CNKSR2: variants seen among roughly 807,000 people sequenced by gnomAD.
CNKSR2 encodes connector enhancer of kinase suppressor of Ras 2, also known as CNK homolog protein 2.
CNKSR2 carries 14 observed loss-of-function variants against 84.4 expected under a neutral mutation model. The ratio of observed to expected loss-of-function variants is 0.17; its 90% CI spans 0.11 to 0.26. The LOEUF (loss-of-function observed/expected upper bound fraction) is 0.26, where lower values mean the gene tolerates loss of function less well. Among genes scored for constraint, CNKSR2 ranks in the 10% least tolerant of loss-of-function variants. CNKSR2 has a pLI of 1.00. For synonymous variants in CNKSR2, 275 were observed against 277.9 expected, an observed-to-expected ratio of 0.99 and a Z score of 0.10; for missense variants, 485 against 771.2, an observed-to-expected ratio of 0.63 and a Z score of 4.40.
intron 17 of CNKSR2, among the ~76,000 whole-genome samples, chrX:21,596,685 A>C (rs558255864): frequency 1.8e-5 from 2 of 109,993 alleles, no homozygotes; most frequent in Middle Eastern, 9.6e-3. Context: ...CAAAGCAAGG[A>C]TATGAATACA....
intron 5 of CNKSR2, among the ~76,000 whole-genome samples, chrX:21,489,355 T>A (rs1312644991): frequency 9.0e-6 from 1 of 111,678 alleles, no homozygotes; most frequent in African/African-American, 3.3e-5. Flanking sequence ...CACAGTAGAC[T>A]AATAACAGTG....
intron 19 of CNKSR2, among the ~76,000 whole-genome samples, chrX:21,607,489 T>C (rs1337500153): frequency 9.0e-6 from 1 of 111,619 alleles, no homozygotes; most frequent in African/African-American, 3.3e-5. Context: ...GTCTCAGTAA[T>C]GTTCCAGTTT....
At chrX:21,440,489 G>A (rs1390030473) in intron 3 of CNKSR2, among the ~76,000 whole-genome samples, 1 of 111,643 alleles carries the variant, frequency 9.0e-6, no homozygotes, top group Non-Finnish European at 1.9e-5. Flanking sequence ...TTGGTAGAAA[G>A]CAAACATTAT....
At chrX:21,452,063 A>C in intron 4 of CNKSR2, among the ~76,000 whole-genome samples, 1 of 111,265 alleles carries the variant, frequency 9.0e-6, no homozygotes, top group East Asian at 2.8e-4. Flanking sequence ...TACAGTCTCA[A>C]TCTAATGAAT....
chrX:21,414,120 T>A (rs969961458), intron 1 of CNKSR2, among the ~76,000 whole-genome samples: 1 of 111,154 alleles, frequency 9.0e-6, no homozygotes, highest in African/African-American at 3.3e-5. Context: ...GGCAGCTCTG[T>A]TTTTAGTTTT....
In CNKSR2 at chrX:21,516,993, A is replaced by T. The variant is rs150689063; in HGVS notation, c.957+362A>T. ...CCCACATACTCTTTTAGAAGAAGCTAAATGATAGTTTATAGAATTCTTTTA... is the reference window on the plus strand; with the variant it reads ...CCCACATACTCTTTTAGAAGAAGCTTAATGATAGTTTATAGAATTCTTTTA... On this transcript the variant is annotated intron_variant, in intron 9 of 21. Transcript: ENST00000379510. Among the ~76,000 whole-genome samples the T allele has an allele frequency of 2.9e-4, 33 of 111,979 alleles. 1 individual carries two copies. In the South Asian group the frequency reaches 0.012, roughly 40 times the overall value.
intron 20 of CNKSR2, chrX:21,644,152 G>GC (rs1033000269): frequency 9.0e-6 from 1 of 111,678 alleles, no homozygotes; most frequent in Non-Finnish European, 1.9e-5. Context: ...AAAGCACTCT[G>GC]CAGCTGTACA....
At chrX:21,529,802 A>G (rs2091869320) in intron 10 of CNKSR2, among the ~76,000 whole-genome samples, 1 of 111,050 alleles carries the variant, frequency 9.0e-6, no homozygotes, top group African/African-American at 3.3e-5. Context: ...ACTGCATTCT[A>G]TATAGATTTG....
intron 6 of CNKSR2, chrX:21,493,835 AAG>A (rs2091466105): frequency 9.0e-6 from 1 of 111,715 alleles, no homozygotes; most frequent in African/African-American, 3.3e-5. Context: ...AAAAAAGACA[AAG>A]AAGTCAGTTT....
At chrX:21,636,812 T>C (rs770928273) in intron 20 of CNKSR2, among the ~76,000 whole-genome samples, 33 of 110,816 alleles carry the variant, frequency 3.0e-4, no homozygotes, top group Admixed American at 4.9e-4. Flanking sequence ...TATATATATA[T>C]ACACCCATAG....
chrX:21,523,670 T>G (rs2091806632), intron 9 of CNKSR2, among the ~76,000 whole-genome samples: 4 of 110,577 alleles, frequency 3.6e-5, no homozygotes, highest in Non-Finnish European at 7.6e-5. Context: ...AATTCTGTGT[T>G]TCAAGTTGAG....
intron 11 of CNKSR2, among the ~76,000 whole-genome samples, chrX:21,534,426 A>G (rs1439274221): frequency 9.1e-6 from 1 of 110,130 alleles, no homozygotes; most frequent in Non-Finnish European, 1.9e-5. Flanking sequence ...TGACATACTG[A>G]TTTCCTTTCC....
chrX:21,376,433 A>G (rs1601708313), intron 1 of CNKSR2, among the ~76,000 whole-genome samples: 1 of 111,999 alleles, frequency 8.9e-6, no homozygotes, highest in Non-Finnish European at 1.9e-5. Flanking sequence ...AACCTAATAC[A>G]TTATTTATCG....
intron 5 of CNKSR2, among the ~76,000 whole-genome samples, chrX:21,478,765 G>A (rs2091285119): frequency 9.0e-6 from 1 of 111,558 alleles, no homozygotes; most frequent in African/African-American, 3.3e-5. Flanking sequence ...AGGGCTTGGA[G>A]TATCTGTGAC....
intron 4 of CNKSR2, among the ~76,000 whole-genome samples, chrX:21,444,474 A>G (rs1489280433): frequency 1.8e-5 from 2 of 111,299 alleles, no homozygotes; most frequent in African/African-American, 6.5e-5. Context: ...TGGACAAATT[A>G]CTTCATATCT....
rs1333926948 is a variant in CNKSR2, at chrX:21,493,198, A to G, written c.681+2620A>G. On this transcript the variant is annotated intron_variant, in intron 6 of 21. Transcript: ENST00000379510. ...AAACAACCTTAGTTATGATTGAACC[A>G]TATGAAACTTTCTTCTAAAGTGCTT... is the stretch of plus-strand genomic sequence containing the variant. The G allele has an allele frequency of 2.7e-5, 3 of 112,461 alleles. No homozygotes were observed. In the East Asian group the frequency reaches 8.3e-4, roughly 31 times the overall value. The allele number at this position is 112,461 out of a possible 1,213,427, so 9.3% of individuals were successfully genotyped here. A position where few individuals can be genotyped will look rare whatever the true frequency, so the allele number is the denominator to read the frequency against.
rs905476237 is a variant in CNKSR2, at chrX:21,408,911, A to G, written c.65-17586A>G. Among the ~76,000 whole-genome samples, 9 of 110,180 alleles carry G rather than the reference A, an allele frequency of 8.2e-5. 1 individual carries two copies. The highest frequency in any genetic ancestry group is 2.9e-4 in the Admixed American group (3 of 10,263). ...AGCTCCTTTAACTGTTGGGTTGCCA[A>G]CAATATGAATGTGGTGTTAAATCAT... On this transcript the variant is annotated intron_variant, in intron 1 of 21. Coordinates refer to ENST00000379510, the MANE Select transcript of CNKSR2 (RefSeq NM_014927.5).
At chrX:21,489,186 CTAAAATGTA>C (rs2091417579) in intron 5 of CNKSR2, among the ~76,000 whole-genome samples, 1 of 111,416 alleles carries the variant, frequency 9.0e-6, no homozygotes, top group African/African-American at 3.3e-5. Flanking sequence ...TCATGTCTCT[CTAAAATGTA>C]TAAAAGCAAG....
intron 1 of CNKSR2, chrX:21,422,386 A>G (rs193157491): frequency 6.3e-5 from 7 of 111,348 alleles, no homozygotes; most frequent in East Asian, 2.8e-4. Context: ...TCAGCTGTCA[A>G]TCTCTTCCTG....
Sources: allele counts gnomAD v4.1 joint callset (sites outside exome capture counted in the v4.1 genomes callset), GRCh38; gene constraint gnomAD v4.1.1; transcripts MANE v1.5; gene names NCBI Gene and HGNC (gene_info 2026-07-23, HGNC 2026-07-21).